Variants in PRR13 observed in about 807,000 individuals in gnomAD.
PRR13 encodes the protein proline rich 13, also known as proline-rich protein 13.
A neutral mutation model predicts 11.5 loss-of-function variants in PRR13; 7 were observed. The observed-to-expected ratio is 0.61, with a 90% CI of 0.34 to 1.14. The LOEUF (loss-of-function observed/expected upper bound fraction) is 1.14, where lower values mean the gene tolerates loss of function less well. Ranked by LOEUF, PRR13 falls within the 50% of genes most tolerant of loss-of-function variation. The probability of loss-of-function intolerance (pLI) is 0.03; values close to 1 mark genes in which losing one functional copy is unlikely to be tolerated. For missense variants in PRR13, 155 were observed against 194.4 expected, an observed-to-expected ratio of 0.80 and a Z score of 1.21; for synonymous variants, 53 against 67.8, an observed-to-expected ratio of 0.78 and a Z score of 1.07.
At chr12:53,443,245 A>C in intron 2 of PRR13, 146 bp from the exon 3 acceptor site, 1 of 822,372 alleles carries the variant, frequency 1.2e-6, no homozygotes, top group Non-Finnish European at 1.7e-6. Context: ...TCCCCAACTC[A>C]AGTTTGTCTC....
rs944707840 is a variant in PRR13 at position 53,446,307 on chromosome 12, A to T, written c.*248A>T. 4.3e-6 allele frequency: 2 copies of T among 463,316 alleles called. No homozygotes were observed. The highest frequency in any genetic ancestry group is 4.1e-5 in the Admixed American group (1 of 24,274). The allele number at this position is 463,316 out of a possible 1,614,324, so 28.7% of individuals were successfully genotyped here. The stretch of plus-strand genomic sequence containing the variant: ...AATTAGGCAGGGGAGCTATTTTTTG[A>T]AGATGATGAACTAAATGTTGAAGAC... On this transcript the variant is annotated 3_prime_UTR_variant, in exon 4 of 4. Coordinates refer to ENST00000429243, the MANE Select transcript of PRR13 (RefSeq NM_018457.4).
chr12:53,442,335 C>A (rs1940308092), intron 1 of PRR13: 1 of 256,840 alleles, frequency 3.9e-6, no homozygotes, highest in African/African-American at 2.3e-5. Context: ...ACCTCTGCCT[C>A]CCGGGTTCAA....
intron 2 of PRR13, chr12:53,443,137 G>T: frequency 2.4e-6 from 1 of 425,014 alleles, no homozygotes; most frequent in Non-Finnish European, 4.1e-6. Flanking sequence ...GATTACAGGC[G>T]TGAGCCACCG....
chr12:53,442,623 C>G, intron 1 of PRR13, 72 bp from the exon 2 acceptor site: 2 of 1,347,950 alleles, frequency 1.5e-6, no homozygotes, highest in Non-Finnish European at 2.1e-6. Flanking sequence ...GACGTTAGGG[C>G]TGGGCTCCGG....
intron 3 of PRR13, among the ~76,000 whole-genome samples, chr12:53,444,544 T>G (rs1478749571): frequency 1.3e-5 from 2 of 152,214 alleles, no homozygotes; most frequent in Admixed American, 6.5e-5. Flanking sequence ...TTAGCCAAGA[T>G]GGTCTCGATC....
intron 3 of PRR13, 81 bp downstream of exon 3, chr12:53,443,854 T>G: frequency 6.8e-7 from 1 of 1,463,044 alleles, no homozygotes; most frequent in Non-Finnish European, 9.2e-7. Context: ...TGAGGGGGAT[T>G]CACATTCTGT....
At chr12:53,445,346 T>TAA (rs4020479) in intron 3 of PRR13, among the ~76,000 whole-genome samples, 1,371 of 106,580 alleles carry the variant, frequency 0.013, 18 homozygotes, top group African/African-American at 0.039. Context: ...AAACTCCGTC[T>TAA]AAAAAAAAAA....
chr12:53,444,043 A>C, intron 3 of PRR13: 1 of 495,488 alleles, frequency 2.0e-6, no homozygotes, highest in Non-Finnish European at 3.5e-6. Context: ...TTTCTGCCCT[A>C]CTCTCCCAGA....
intron 3 of PRR13, 34 bp from the exon 4 acceptor site, chr12:53,445,981 T>C: frequency 6.2e-7 from 1 of 1,609,216 alleles, no homozygotes; most frequent in Non-Finnish European, 8.5e-7. Context: ...GATCTGATGC[T>C]ATCTTCTTTC....
chr12:53,441,757 A>G lies in PRR13; in HGVS notation c.-56A>G, dbSNP rs1940295598. On this transcript the variant is annotated 5_prime_UTR_variant, in exon 1 of 4. Coordinates refer to ENST00000429243, the MANE Select transcript of PRR13 (RefSeq NM_018457.4). Reference sequence around the variant, plus strand: ...GTGACTAGGAAGAGCCGAGACTGCGAAGGAGAACGCAGCAAGCCCAGGCGG... The same window carrying G: ...GTGACTAGGAAGAGCCGAGACTGCGGAGGAGAACGCAGCAAGCCCAGGCGG... 2 of 702,038 alleles carry G rather than the reference A, an allele frequency of 2.8e-6. No individual in the cohort carries two copies. Among genetic ancestry groups the G allele is most frequent in the Non-Finnish European group, 5.2e-6 (2 of 384,738 alleles). The allele number at this position is 702,038 out of a possible 1,614,324, so 43.5% of individuals were successfully genotyped here. A position where few individuals can be genotyped will look rare whatever the true frequency, so the allele number is the denominator to read the frequency against.
chr12:53,441,996 T>TG (rs2136988612), intron 1 of PRR13: 1 of 606,530 alleles, frequency 1.6e-6, no homozygotes, highest in East Asian at 2.8e-5. Flanking sequence ...TAGCCTGAGG[T>TG]GGGGTCCTCC....
At chr12:53,442,454 A>C (rs868405340) in intron 1 of PRR13, 1 of 393,386 alleles carries the variant, frequency 2.5e-6, no homozygotes, top group Non-Finnish European at 4.7e-6. Context: ...GATGTTGGCC[A>C]GGCTGGTCTC....
At chr12:53,444,760 T>A (rs1940368933) in intron 3 of PRR13, among the ~76,000 whole-genome samples, 1 of 152,040 alleles carries the variant, frequency 6.6e-6, no homozygotes, top group Non-Finnish European at 1.5e-5. Flanking sequence ...TAGCTGGGTG[T>A]GGTGGCGCAT....
At chr12:53,445,326 C>T (rs951582249) in intron 3 of PRR13, among the ~76,000 whole-genome samples, 1 of 137,874 alleles carries the variant, frequency 7.3e-6, no homozygotes, top group African/African-American at 2.8e-5. Context: ...CCAGCCTGGG[C>T]AACTGGGTGA....
chr12:53,442,608 TG>T, intron 1 of PRR13, 86 bp from the exon 2 acceptor site: 2 of 1,118,598 alleles, frequency 1.8e-6, no homozygotes, highest in Non-Finnish European at 2.7e-6. Flanking sequence ...TACTGTGGGG[TG>T]GAAGACGTTA....
rs1325981772 is a variant in PRR13, at chr12:53,446,224, A to G, written c.*165A>G. ...CCCTGAGTGGCTAGGGGAAATGGGA[A>G]GAGGATTGCCATGGCCTGGCCATCT... On this transcript the variant is annotated 3_prime_UTR_variant, in exon 4 of 4. Transcript: ENST00000429243. 7.7e-7 allele frequency: 1 copy of G among 1,306,234 alleles called. No homozygotes were observed. Among genetic ancestry groups the G allele is most frequent in the African/African-American group, 1.5e-5 (1 of 68,078 alleles). 80.9% of individuals were successfully genotyped at this position (1,306,234 alleles called of 1,614,324 possible).
At chr12:53,442,888 AATTT>A (rs1940322841) in intron 2 of PRR13, 155 bp downstream of exon 2, 7 of 593,080 alleles carry the variant, frequency 1.2e-5, no homozygotes, top group Non-Finnish European at 1.9e-5. Flanking sequence ...AATTTAATTT[AATTT>A]ATTTATTTTT....
At chr12:53,442,599 A>C in intron 1 of PRR13, 96 bp from the exon 2 acceptor site, 1 of 1,033,694 alleles carries the variant, frequency 9.7e-7, no homozygotes, top group Non-Finnish European at 1.5e-6. Flanking sequence ...AGGAGAGCCT[A>C]CTGTGGGGTG....
Position 53,446,500 on chromosome 12 carries a change from C to T in PRR13, c.*441C>T. 1 of 169,822 alleles carries T rather than the reference C, an allele frequency of 5.9e-6. No homozygotes were observed. The highest frequency in any genetic ancestry group is 1.3e-5 in the Non-Finnish European group (1 of 79,390). 10.5% of individuals were successfully genotyped at this position (169,822 alleles called of 1,614,324 possible). ...TCCCCAGCAGGCCTTTTGTTGGTTGCACTAACTGCAAGGTTGCTGGGAAGT... is the reference window on the plus strand; with the variant it reads ...TCCCCAGCAGGCCTTTTGTTGGTTGTACTAACTGCAAGGTTGCTGGGAAGT... On this transcript the variant is annotated 3_prime_UTR_variant, in exon 4 of 4. Transcript: ENST00000429243.
Sources: allele counts gnomAD v4.1 joint callset (sites outside exome capture counted in the v4.1 genomes callset), GRCh38; gene constraint gnomAD v4.1.1; transcripts MANE v1.5; gene names NCBI Gene and HGNC (gene_info 2026-07-23, HGNC 2026-07-21).